The following BTBD9 variants were observed in gnomAD, a reference collection of about 807,000 sequenced individuals.
The protein encoded by BTBD9 is BTB/POZ domain-containing protein 9.
In BTBD9, 49 loss-of-function variants were observed where a neutral mutation model predicts 64.3. That is an observed-to-expected ratio of 0.76 (90% confidence interval 0.61 to 0.97). BTBD9 has a LOEUF of 0.97. Among genes scored for constraint, BTBD9 ranks in the 50% least tolerant of loss-of-function variants. The pLI is 0.00. For synonymous variants in BTBD9, 260 were observed against 274.7 expected, an observed-to-expected ratio of 0.95 and a Z score of 0.53; for missense variants, 598 against 762.1, an observed-to-expected ratio of 0.78 and a Z score of 2.53.
At chr6:38,493,152 G>A (rs183228354) in intron 6 of BTBD9, among the ~76,000 whole-genome samples, 35 of 152,270 alleles carry the variant, frequency 2.3e-4, no homozygotes, top group African/African-American at 7.2e-4. Context: ...GGGTAAAAAC[G>A]TTCCTTTCTC....
At chr6:38,220,945 T>G (rs1763178385) in intron 9 of BTBD9, among the ~76,000 whole-genome samples, 1 of 152,230 alleles carries the variant, frequency 6.6e-6, no homozygotes, top group Non-Finnish European at 1.5e-5. Flanking sequence ...GTCATACAGA[T>G]GCAAGAATGC....
At chr6:38,633,694 T>C (rs545263607) in intron 1 of BTBD9, among the ~76,000 whole-genome samples, 2 of 152,264 alleles carry the variant, frequency 1.3e-5, no homozygotes, top group South Asian at 2.1e-4. Flanking sequence ...GAAGCCAGAG[T>C]ACCTAGTCTG....
chr6:38,483,278 C>A (rs1446935326), intron 6 of BTBD9, among the ~76,000 whole-genome samples: 1 of 152,064 alleles, frequency 6.6e-6, no homozygotes, highest in Non-Finnish European at 1.5e-5. Flanking sequence ...TATCTTGCTA[C>A]AACCAGGAGT....
chr6:38,274,680 T>C (rs1464499523), intron 8 of BTBD9, among the ~76,000 whole-genome samples: 1 of 152,224 alleles, frequency 6.6e-6, no homozygotes, highest in Non-Finnish European at 1.5e-5. Flanking sequence ...CTGGATTACA[T>C]TTACTGATTT....
Position 38,594,153 on chromosome 6 carries a change from A to AT in BTBD9, c.359dup (p.Tyr120Ter). The change falls in exon 3 of 11, where the codon TAT becomes TAAT. Residue 120 changes from tyrosine to a stop codon, truncating the protein, a stop_gained and frameshift_variant. Coordinates refer to ENST00000481247, the MANE Select transcript of BTBD9 (RefSeq NM_001099272.2). LOFTEE classifies it high-confidence loss of function. ...LLDFLSLAHK[Y>*]GFPELEDSTS... ...TAGAATCCTCTAGCTCTGGAAATCC[A>AT]TATTTATGAGCCAGGCTCAAAAAGT... is the stretch of plus-strand genomic sequence containing the variant. The AT allele has an allele frequency of 6.2e-7, 1 of 1,614,224 alleles. No individual in the cohort carries two copies. Among genetic ancestry groups the AT allele is most frequent in the Non-Finnish European group, 8.5e-7 (1 of 1,180,028 alleles).
At chr6:38,511,693 T>A (rs1772784195) in intron 6 of BTBD9, among the ~76,000 whole-genome samples, 1 of 152,126 alleles carries the variant, frequency 6.6e-6, no homozygotes, top group Admixed American at 6.5e-5. Context: ...ATGATTAACT[T>A]CATATTCATT....
intron 6 of BTBD9, among the ~76,000 whole-genome samples, chr6:38,575,799 C>G (rs1291406028): frequency 1.3e-5 from 2 of 151,700 alleles, no homozygotes; most frequent in South Asian, 4.2e-4. Context: ...TTTTTTCAAC[C>G]AGAATTGGGA....
intron 6 of BTBD9, among the ~76,000 whole-genome samples, chr6:38,556,635 T>G (rs1200902993): frequency 6.6e-6 from 1 of 150,818 alleles, no homozygotes; most frequent in Non-Finnish European, 1.5e-5. Flanking sequence ...AATAAAACAT[T>G]TTTTTTTAAT....
chr6:38,556,873 C>CAGATGTAG lies in BTBD9; in HGVS notation c.1154+20719_1154+20726dup, dbSNP rs1331250775. Among the ~76,000 whole-genome samples the CAGATGTAG allele has an allele frequency of 2.7e-5, 4 of 150,488 alleles. No individual in the cohort carries two copies. In the East Asian group the frequency reaches 7.8e-4, roughly 29 times the overall value. ...CTCTACTAAAAATACAAAAATTAGC[C>CAGATGTAG]AGATGTAGTGGCGCCTGTAATTCCA... On this transcript the variant is annotated intron_variant, in intron 6 of 10. Coordinates refer to ENST00000481247, the MANE Select transcript of BTBD9 (RefSeq NM_001099272.2).
At chr6:38,462,257 C>A (rs184741695) in intron 6 of BTBD9, among the ~76,000 whole-genome samples, 96 of 152,178 alleles carry the variant, frequency 6.3e-4, no homozygotes, top group African/African-American at 2.2e-3. Flanking sequence ...AAGGTTTTCT[C>A]TTACGTTTTC....
chr6:38,327,898 C>G (rs1763503758), intron 7 of BTBD9, among the ~76,000 whole-genome samples: 1 of 152,112 alleles, frequency 6.6e-6, no homozygotes, highest in African/African-American at 2.4e-5. Context: ...GAAGAAATTA[C>G]CCTGTCTCAC....
At chr6:38,302,946 T>C (rs1352312149) in intron 7 of BTBD9, among the ~76,000 whole-genome samples, 1 of 152,212 alleles carries the variant, frequency 6.6e-6, no homozygotes, top group Non-Finnish European at 1.5e-5. Context: ...TGTCTTCTTT[T>C]GAGAACTATC....
intron 6 of BTBD9, among the ~76,000 whole-genome samples, chr6:38,539,429 T>G (rs908977984): frequency 2.6e-5 from 4 of 152,200 alleles, no homozygotes; most frequent in Non-Finnish European, 4.4e-5. Flanking sequence ...AATCTGAGAC[T>G]CTGGTGTGTA....
At chr6:38,416,557 G>A (rs898397295) in intron 6 of BTBD9, among the ~76,000 whole-genome samples, 2 of 142,712 alleles carry the variant, frequency 1.4e-5, no homozygotes, top group Non-Finnish European at 3.0e-5. Flanking sequence ...TGTTAGCCAG[G>A]ATGGTCTCTA....
At chr6:38,188,354 C>G (rs1761907941) in intron 10 of BTBD9, among the ~76,000 whole-genome samples, 1 of 152,240 alleles carries the variant, frequency 6.6e-6, no homozygotes, top group African/African-American at 2.4e-5. Flanking sequence ...CAGCCACCAT[C>G]TTCTCTTGAA....
rs1373631091 is a variant in BTBD9, at chr6:38,274,556, C to T, written c.1454+13716G>A. 5.9e-5 allele frequency among the ~76,000 whole-genome samples: 9 copies of T among 152,208 alleles called. No homozygotes were observed. The South Asian group carries it at 8.3e-4, about 14-fold the overall frequency. On this transcript the variant is annotated intron_variant, in intron 8 of 10. Transcript: ENST00000481247. ...CTTATTATTTTGAGATGCGTCCCAT[C>T]GATACCTAATTTATTGAGAGTTTTT...
At chr6:38,265,960 T>C (rs1304827855) in intron 8 of BTBD9, among the ~76,000 whole-genome samples, 2 of 152,230 alleles carry the variant, frequency 1.3e-5, no homozygotes, top group Non-Finnish European at 2.9e-5. Flanking sequence ...CAATATTCAT[T>C]AGATACTGAG....
intron 8 of BTBD9, among the ~76,000 whole-genome samples, chr6:38,261,861 C>T (rs118161326): frequency 1.3e-5 from 2 of 152,290 alleles, no homozygotes; most frequent in East Asian, 1.9e-4. Context: ...CTCAGGTCAT[C>T]GAGCCTAGGG....
At chr6:38,239,001 AG>A (rs1763895432) in intron 9 of BTBD9, among the ~76,000 whole-genome samples, 1 of 152,188 alleles carries the variant, frequency 6.6e-6, no homozygotes. Context: ...GGCTGAAAGA[AG>A]GGGTCCATTT....
Sources: gnomAD v4.1 joint callset for allele counts (sites outside exome capture counted in the v4.1 genomes callset) on GRCh38, gnomAD v4.1.1 for gene constraint, MANE v1.5 for transcripts, NCBI Gene and HGNC (gene_info 2026-07-23, HGNC 2026-07-21) for gene names.